Variants in ATP8A2 observed in about 807,000 individuals in gnomAD.
ATP8A2 encodes phospholipid-transporting ATPase IB.
A neutral mutation model predicts 165.6 loss-of-function variants in ATP8A2; 100 were observed. The ratio of observed to expected loss-of-function variants is 0.60; its 90% CI spans 0.51 to 0.71. The LOEUF is 0.71. ATP8A2 is among the 30% of genes least tolerant of loss of function. The pLI, the probability that ATP8A2 is intolerant of heterozygous loss-of-function variation, is 0.00. For synonymous variants in ATP8A2, 543 were observed against 548.8 expected (o/e 0.99, Z 0.15); for missense variants, 1,227 against 1,479.5 (o/e 0.83, Z 2.80).
intron 1 of ATP8A2, chr13:25,468,694 G>T (rs753865736): frequency 9.7e-4 from 355 of 367,470 alleles, no homozygotes; most frequent in Non-Finnish European, 1.3e-3. Flanking sequence ...CAGGGAGGGA[G>T]CGCAGGAGCT....
At chr13:25,583,611 C>T (rs904681770) in intron 23 of ATP8A2, among the ~76,000 whole-genome samples, 1 of 152,046 alleles carries the variant, frequency 6.6e-6, no homozygotes, top group African/African-American at 2.4e-5. Context: ...AGCCCTTTTT[C>T]GTGTGTGTTC....
intron 27 of ATP8A2, among the ~76,000 whole-genome samples, chr13:25,780,018 T>A (rs909791633): frequency 1.3e-5 from 2 of 152,238 alleles, no homozygotes; most frequent in African/African-American, 4.8e-5. Flanking sequence ...ATTTTAAGCA[T>A]GTATTAGGTG....
At chr13:25,437,612 C>T (rs1024324464) in intron 1 of ATP8A2, among the ~76,000 whole-genome samples, 6 of 152,054 alleles carry the variant, frequency 3.9e-5, no homozygotes, top group South Asian at 4.2e-4. Context: ...AAAGCTTTTC[C>T]GTGTATTGCT....
At chr13:25,720,265 TCATGCCATTC>T (rs1296824375) in intron 25 of ATP8A2, among the ~76,000 whole-genome samples, 3 of 147,430 alleles carry the variant, frequency 2.0e-5, no homozygotes, top group African/African-American at 7.8e-5. Context: ...CCTCCCAGGT[TCATGCCATTC>T]TCCTGCCTCA....
chr13:25,424,546 G>T (rs541416817), intron 1 of ATP8A2, among the ~76,000 whole-genome samples: 27 of 152,292 alleles, frequency 1.8e-4, no homozygotes, highest in African/African-American at 6.0e-4. Context: ...TGCTGTTAAC[G>T]CTTAATAGAA....
chr13:25,540,365 G>C lies in ATP8A2; in HGVS notation c.628G>C (p.Glu210Gln). Residue 210 changes from glutamate (E) to glutamine (Q), a missense_variant, in exon 8 of 37, where the codon GAG becomes CAG. Transcript: ENST00000381655. ...TGTTGAAACAGCTAATCTGGATGGG[G>C]AGACGAACCTTAAAATACGTCAGGT... is the stretch of plus-strand genomic sequence containing the variant. ...CYVETANLDG[E>Q]TNLKIRQGLS... The C allele has an allele frequency of 6.2e-7, 1 of 1,613,808 alleles. No individual in the cohort carries two copies. Among genetic ancestry groups the C allele is most frequent in the Non-Finnish European group, 8.5e-7 (1 of 1,179,724 alleles).
chr13:25,442,691 G>A (rs1030655070), intron 1 of ATP8A2, among the ~76,000 whole-genome samples: 3 of 152,150 alleles, frequency 2.0e-5, no homozygotes, highest in African/African-American at 7.2e-5. Context: ...AAGTGCTGCG[G>A]GTGTGAGGTG....
chr13:25,746,171 C>T (rs919822085), intron 25 of ATP8A2, among the ~76,000 whole-genome samples: 1 of 152,228 alleles, frequency 6.6e-6, no homozygotes, highest in Non-Finnish European at 1.5e-5. Context: ...AATTGGCATT[C>T]TCAATGATGT....
At chr13:25,995,675 G>A (rs1956485074) in intron 35 of ATP8A2, among the ~76,000 whole-genome samples, 1 of 151,904 alleles carries the variant, frequency 6.6e-6, no homozygotes, top group Non-Finnish European at 1.5e-5. Flanking sequence ...ACTTTTAAGT[G>A]TGTTGAAGTT....
At chr13:25,927,208 C>T (rs1430539488) in intron 33 of ATP8A2, 2 of 456,742 alleles carry the variant, frequency 4.4e-6, no homozygotes, top group East Asian at 6.9e-5. Context: ...GAGCCCCACT[C>T]CTCCTCGGCT....
rs373507543 is a variant in ATP8A2, at chr13:25,484,980, C to A, written c.221+15859C>A. ...TATTTTAAAACAGTAAGGCCATTTG[C>A]TGAATAGTATCACAATTATTTCTCT... On this transcript the variant is annotated intron_variant, in intron 2 of 36. Transcript: ENST00000381655. Among the ~76,000 whole-genome samples the A allele has an allele frequency of 1.6e-4, 25 of 152,292 alleles. No individual in the cohort carries two copies. The South Asian group carries it at 5.2e-3, about 32-fold the overall frequency.
At chr13:25,990,635 C>T (rs966235843) in intron 35 of ATP8A2, among the ~76,000 whole-genome samples, 3 of 152,110 alleles carry the variant, frequency 2.0e-5, no homozygotes, top group Admixed American at 6.5e-5. Flanking sequence ...AGGGTCCTTG[C>T]GTTTATTGTA....
chr13:25,863,211 T>C (rs1952405953), intron 33 of ATP8A2: 2 of 152,510 alleles, frequency 1.3e-5, no homozygotes, highest in Admixed American at 1.3e-4. Context: ...TAAGGACCTC[T>C]GCTCTGGCCT....
chr13:25,375,044 A>G (rs1300223712), intron 1 of ATP8A2, among the ~76,000 whole-genome samples: 4 of 152,180 alleles, frequency 2.6e-5, no homozygotes, highest in Admixed American at 2.6e-4. Context: ...CACTTTGATC[A>G]GTTTTAGCTT....
intron 33 of ATP8A2, among the ~76,000 whole-genome samples, chr13:25,907,174 G>C (rs1294278854): frequency 6.6e-6 from 1 of 152,122 alleles, no homozygotes; most frequent in African/African-American, 2.4e-5. Context: ...AGGCTGCGGT[G>C]AGTAACCACT....
chr13:25,406,356 C>T (rs1386826515), intron 1 of ATP8A2, among the ~76,000 whole-genome samples: 2 of 152,126 alleles, frequency 1.3e-5, no homozygotes, highest in African/African-American at 4.8e-5. Context: ...TTGCTTTGAC[C>T]TAAGGGCAAG....
chr13:25,828,299 C>G (rs1951371511), intron 28 of ATP8A2, 107 bp downstream of exon 28: 1 of 956,224 alleles, frequency 1.0e-6, no homozygotes, highest in Admixed American at 1.9e-5. Flanking sequence ...CATCTGTATA[C>G]TTAGCAGGCA....
intron 6 of ATP8A2, among the ~76,000 whole-genome samples, chr13:25,537,589 G>A (rs1310964011): frequency 6.6e-6 from 1 of 152,180 alleles, no homozygotes; most frequent in Non-Finnish European, 1.5e-5. Context: ...CATCAGGGGT[G>A]CAGTGGGGAT....
intron 25 of ATP8A2, among the ~76,000 whole-genome samples, chr13:25,745,417 T>G (rs2044009834): frequency 6.6e-6 from 1 of 152,222 alleles, no homozygotes; most frequent in African/African-American, 2.4e-5. Flanking sequence ...CAGCCTAGAC[T>G]GTAAAGTCAA....
Sources: gnomAD v4.1 joint callset for allele counts (sites outside exome capture counted in the v4.1 genomes callset) on GRCh38, gnomAD v4.1.1 for gene constraint, MANE v1.5 for transcripts, NCBI Gene and HGNC (gene_info 2026-07-23, HGNC 2026-07-21) for gene names.